IGSF6: variants seen among roughly 807,000 people sequenced by gnomAD.
The protein encoded by IGSF6 is immunoglobulin superfamily member 6.
Under a neutral mutation model 24.7 loss-of-function variants are expected in IGSF6, and 23 were observed. That is an observed-to-expected ratio of 0.93 (90% CI 0.67 to 1.32). The LOEUF (loss-of-function observed/expected upper bound fraction) is 1.32, where lower values mean the gene tolerates loss of function less well. IGSF6 is among the 40% of genes most tolerant of loss of function. The probability of loss-of-function intolerance (pLI) is 0.00; values close to 1 mark genes in which losing one functional copy is unlikely to be tolerated. For synonymous variants in IGSF6, 110 were observed against 113.7 expected, an observed-to-expected ratio of 0.97 and a Z score of 0.21; for missense variants, 295 against 293.6, an observed-to-expected ratio of 1.00 and a Z score of -0.04.
At chr16:21,648,401 C>T (rs1296002597) in intron 1 of IGSF6, among the ~76,000 whole-genome samples, 1 of 152,118 alleles carries the variant, frequency 6.6e-6, no homozygotes, top group Non-Finnish European at 1.5e-5. Context: ...GTTTACCTGC[C>T]TAAGCTATAG....
chr16:21,642,990 T>C, intron 5 of IGSF6, 84 bp downstream of exon 5: 1 of 852,262 alleles, frequency 1.2e-6, no homozygotes, highest in South Asian at 1.5e-5. Flanking sequence ...GAAAACATGG[T>C]TCTTGACAGC....
rs374204275 is a variant in IGSF6, at chr16:21,647,930, G to A, written c.68-438C>T. On this transcript the variant is annotated intron_variant, in intron 1 of 5. Transcript: ENST00000268389. ...AGTGTGGTAACCTGTGTCCCCAGAC[G>A]AACGTTGCTGCCGCTGATGGAGCCT... 6.6e-5 allele frequency among the ~76,000 whole-genome samples: 10 copies of A among 152,308 alleles called. No homozygotes were observed. In the South Asian group the frequency reaches 1.0e-3, roughly 16 times the overall value.
intron 3 of IGSF6, 41 bp from the exon 4 acceptor site, chr16:21,643,639 A>G (rs1337354256): frequency 7.3e-7 from 1 of 1,363,292 alleles, no homozygotes; most frequent in South Asian, 1.2e-5. Context: ...CATTTTATGT[A>G]CTCATAACAA....
rs139235809 is a variant in IGSF6, at chr16:21,652,285, C to CTTTG, written c.67+243_67+246dup. The CTTTG allele has an allele frequency of 9.3e-3, 3,461 of 371,036 alleles. 127 individuals are homozygous for CTTTG. Among genetic ancestry groups the CTTTG allele is most frequent in the East Asian group, 0.067 (1,580 of 23,528 alleles). 23.0% of individuals were successfully genotyped at this position (371,036 alleles called of 1,614,324 possible). On this transcript the variant is annotated intron_variant, in intron 1 of 5. Transcript: ENST00000268389. The stretch of plus-strand genomic sequence containing the variant: ...TACGATTTTAAGAATATTTTCAACC[C>CTTTG]TTTGGTCAGATTGTCTCCAATTAGC...
chr16:21,650,540 G>A (rs991493472), intron 1 of IGSF6, among the ~76,000 whole-genome samples: 8 of 151,680 alleles, frequency 5.3e-5, no homozygotes, highest in Admixed American at 4.6e-4. Context: ...AGAGGTTGGG[G>A]TGGCGGGGAT....
At chr16:21,643,445 TAAAC>T in intron 4 of IGSF6, 99 bp downstream of exon 4, 1 of 764,730 alleles carries the variant, frequency 1.3e-6, no homozygotes, top group East Asian at 2.7e-5. Context: ...ATATTCTGTT[TAAAC>T]TTAACATTTA....
At chr16:21,643,218 C>T in intron 4 of IGSF6, 64 bp from the exon 5 acceptor site, 3 of 1,263,482 alleles carry the variant, frequency 2.4e-6, no homozygotes, top group South Asian at 1.2e-5. Flanking sequence ...AACGACGCAT[C>T]ATCAGAACTT....
At chr16:21,648,631 GAA>G (rs916341935) in intron 1 of IGSF6, among the ~76,000 whole-genome samples, 2 of 152,232 alleles carry the variant, frequency 1.3e-5, no homozygotes, top group Non-Finnish European at 2.9e-5. Context: ...CCAGGCATGT[GAA>G]GCTGGAAAGC....
intron 1 of IGSF6, chr16:21,652,124 T>C (rs1966591353): frequency 6.5e-6 from 1 of 153,712 alleles, no homozygotes; most frequent in South Asian, 2.0e-4. Flanking sequence ...ATTGGAGTCA[T>C]GGCAGTTTTT....
rs1375131087 is a variant in IGSF6, at chr16:21,647,487, C to G, written c.73G>C (p.Val25Leu). Reference protein sequence around the residue: ...TNLILFCVGAVGACTLSVTQP... With the variant: ...TNLILFCVGALGACTLSVTQP... ...GTGACAGAGAGAGTACAGGCGCCCA[C>G]AGCACCTGTGGGAGGAAGCAGATGA... The change falls in exon 2 of 6, where the codon GTG (valine) becomes CTG (leucine). Residue 25 changes from valine to leucine, a missense_variant. By Grantham distance (32) the Val-to-Leu change is conservative (BLOSUM62 1). Transcript: ENST00000268389. The G allele has an allele frequency of 3.1e-6, 5 of 1,609,026 alleles. No individual in the cohort carries two copies. Among genetic ancestry groups the G allele is most frequent in the Non-Finnish European group, 4.3e-6 (5 of 1,175,920 alleles).
rs150110933 is a variant in IGSF6 at position 21,643,583 on chromosome 16, G to T, written c.550C>A (p.Leu184Ile). Residue 184 changes from leucine (L) to isoleucine (I), a missense_variant, in exon 4 of 6, where the codon CTA (leucine) becomes ATA (isoleucine). Transcript: ENST00000268389. ...ILLSKSKSNP[L>I]RNKEIKEDSQ... ...TCTTCTTTTATTTCTTTGTTTCTTAGAGGGTTGGATTTTGACTGCCAAGAA... is the reference window on the plus strand; with the variant it reads ...TCTTCTTTTATTTCTTTGTTTCTTATAGGGTTGGATTTTGACTGCCAAGAA... 10 of 1,607,054 alleles carry T rather than the reference G, an allele frequency of 6.2e-6. No individual in the cohort carries two copies. In the African/African-American group the frequency reaches 1.3e-4, roughly 22 times the overall value.
At position 21,647,296 on chromosome 16, in the gene IGSF6, G is replaced by T; in HGVS notation, c.264C>A (p.Asp88Glu). Residue 88 changes from aspartate (D) to glutamate (E), a missense_variant, in exon 2 of 6, where the codon GAC becomes GAA. Transcript: ENST00000268389. ...LCLDGCKSEADKFTVREALKE... is the reference protein window; with the variant it reads ...LCLDGCKSEAEKFTVREALKE... ...TGAGGGCCTCCCTCACTGTGAACTT[G>T]TCTGCCTCACTTTTGCACCCGTCCA... 1 of 1,614,174 alleles carries T rather than the reference G, an allele frequency of 6.2e-7. No individual in the cohort carries two copies. Among genetic ancestry groups the T allele is most frequent in the Non-Finnish European group, 8.5e-7 (1 of 1,180,020 alleles).
intron 1 of IGSF6, 64 bp downstream of exon 1, chr16:21,652,468 G>T: frequency 2.4e-6 from 3 of 1,250,294 alleles, no homozygotes; most frequent in African/African-American, 1.5e-5. Context: ...AAATATAAAT[G>T]CATTAGGTGA....
rs1057407647 is a variant in IGSF6 at position 21,639,582 on chromosome 16, A to G, written c.*1952T>C. The G allele has an allele frequency of 6.6e-6, 1 of 152,180 alleles. No individual in the cohort carries two copies. Among genetic ancestry groups the G allele is most frequent in the Non-Finnish European group, 1.5e-5 (1 of 68,032 alleles). The allele number at this position is 152,180 out of a possible 1,614,324, so 9.4% of individuals were successfully genotyped here. ...TGGAATATGGCAGGAAAGTATTAGC[A>G]TTTTTTATTTATATTGCTGCTTATG... On this transcript the variant is annotated 3_prime_UTR_variant, in exon 6 of 6. Coordinates refer to ENST00000268389, the MANE Select transcript of IGSF6 (RefSeq NM_005849.4).
At position 21,640,221 on chromosome 16, in the gene IGSF6, AGCC is replaced by A. The variant is rs1966213965; in HGVS notation, c.*1310_*1312del. 1 of 151,356 alleles carries A rather than the reference AGCC, an allele frequency of 6.6e-6. No individual in the cohort carries two copies. The allele number at this position is 151,356 out of a possible 1,614,324, so 9.4% of individuals were successfully genotyped here. A position where few individuals can be genotyped will look rare whatever the true frequency, so the allele number is the denominator to read the frequency against. On this transcript the variant is annotated 3_prime_UTR_variant, in exon 6 of 6. Coordinates refer to ENST00000268389, the MANE Select transcript of IGSF6 (RefSeq NM_005849.4). ...CCAAAGTGTTGGGATTACAGGCGTG[AGCC>A]ACCACACCCGGCCTAAAAGAGACAC...
intron 2 of IGSF6, 75 bp downstream of exon 2, chr16:21,647,058 A>T (rs536928061): frequency 1.3e-6 from 2 of 1,589,694 alleles, no homozygotes; most frequent in East Asian, 4.5e-5. Context: ...TGATTTCTAC[A>T]TGTGAGTGAG....
At position 21,643,407 on chromosome 16, in the gene IGSF6, A is replaced by G. The variant is rs1448825116; in HGVS notation, c.585+141T>C. The G allele has an allele frequency of 6.3e-6, 4 of 637,452 alleles. No individual in the cohort carries two copies. The East Asian group carries it at 1.1e-4, about 17-fold the overall frequency. 39.5% of individuals were successfully genotyped at this position (637,452 alleles called of 1,614,324 possible). ...TCATTGAGTTTCTCAACAATAGGAAATAGTGTCTGCAGTTGAAAGTTACCT... is the reference window on the plus strand; with the variant it reads ...TCATTGAGTTTCTCAACAATAGGAAGTAGTGTCTGCAGTTGAAAGTTACCT... On this transcript the variant is annotated intron_variant, in intron 4 of 5. Coordinates refer to ENST00000268389, the MANE Select transcript of IGSF6 (RefSeq NM_005849.4).
At position 21,647,197 on chromosome 16, in the gene IGSF6, T is replaced by C; in HGVS notation, c.363A>G (p.Ala121=). The change falls in exon 2 of 6, where the codon GCA becomes GCG. Residue 121 remains alanine, a synonymous_variant. Coordinates refer to ENST00000268389, the MANE Select transcript of IGSF6 (RefSeq NM_005849.4). ...NDSAIYICGI[A]FPSVPEARAK... ...CTCTCGCTTCCGGCACACTGGGGAA[T>C]GCTATTCCACAGATGTAAATTGCAC... The C allele has an allele frequency of 1.2e-6, 2 of 1,614,180 alleles. No homozygotes were observed. The highest frequency in any genetic ancestry group is 2.2e-5 in the South Asian group (2 of 91,082).
intron 1 of IGSF6, 144 bp downstream of exon 1, chr16:21,652,388 A>C: frequency 1.8e-6 from 1 of 544,956 alleles, no homozygotes; most frequent in Non-Finnish European, 3.1e-6. Flanking sequence ...TCTCAGGGGA[A>C]AAAGGAAACT....
Sources: gnomAD v4.1 joint callset for allele counts (sites outside exome capture counted in the v4.1 genomes callset) on GRCh38, gnomAD v4.1.1 for gene constraint, MANE v1.5 for transcripts, NCBI Gene and HGNC (gene_info 2026-07-23, HGNC 2026-07-21) for gene names.